Variants in UGT1A4 observed in about 807,000 individuals in gnomAD.
The protein encoded by UGT1A4 is UDP-glucuronosyltransferase 1A4.
UGT1A4 carries 32 observed loss-of-function variants against 41.1 expected under a neutral mutation model. The ratio of observed to expected loss-of-function variants is 0.78; its 90% CI spans 0.59 to 1.05. UGT1A4 has a LOEUF of 1.05. UGT1A4 is among the 50% of genes least tolerant of loss of function. The pLI is 0.00. For synonymous variants in UGT1A4, 283 were observed against 265.1 expected (o/e 1.07, Z -0.66); for missense variants, 748 against 677.4 (o/e 1.10, Z -1.16).
At chr2:233,767,568 T>C (rs1394271023) in intron 2 of UGT1A4, among the ~76,000 whole-genome samples, 2 of 152,252 alleles carry the variant, frequency 1.3e-5, no homozygotes, top group African/African-American at 4.8e-5. Flanking sequence ...CTTGTTTCAT[T>C]AAGCAAACTT....
chr2:233,725,264 G>GGCAGAGGAGGCA, intron 1 of UGT1A4, among the ~76,000 whole-genome samples: 1 of 58,548 alleles, frequency 1.7e-5, no homozygotes, highest in African/African-American at 1.3e-4. Flanking sequence ...CAGAGGCAGA[G>GGCAGAGGAGGCA]GAGGCAGAGG....
intron 1 of UGT1A4, chr2:233,756,080 A>T (rs1179999635): frequency 6.6e-6 from 1 of 152,234 alleles, no homozygotes; most frequent in African/African-American, 2.4e-5. Flanking sequence ...GACAATGAGA[A>T]AATCAAGTAA....
chr2:233,746,269 G>A (rs1473358649), intron 1 of UGT1A4, among the ~76,000 whole-genome samples: 3 of 151,774 alleles, frequency 2.0e-5, no homozygotes, highest in South Asian at 2.1e-4. Flanking sequence ...ACAAAACGCT[G>A]TGGGGATTCA....
intron 1 of UGT1A4, chr2:233,748,139 A>G: frequency 1.2e-6 from 2 of 1,608,528 alleles, no homozygotes. Context: ...TAAAAATTGT[A>G]TTTACTTACA....
At chr2:233,766,879 G>A (rs1237814699) in intron 1 of UGT1A4, among the ~76,000 whole-genome samples, 155 bp from the exon 2 acceptor site, 1 of 152,170 alleles carries the variant, frequency 6.6e-6, no homozygotes, top group Non-Finnish European at 1.5e-5. Context: ...GGAAAATGCT[G>A]TAAAACTTAC....
intron 1 of UGT1A4, among the ~76,000 whole-genome samples, chr2:233,745,990 G>A (rs1261244723): frequency 3.3e-5 from 5 of 151,696 alleles, no homozygotes; most frequent in African/African-American, 1.2e-4. Context: ...TGACAGCTGG[G>A]TCTGAGAGAC....
intron 1 of UGT1A4, chr2:233,752,671 G>C (rs764603463): frequency 6.6e-6 from 1 of 152,170 alleles, no homozygotes; most frequent in Non-Finnish European, 1.5e-5. Flanking sequence ...AGGATCACTT[G>C]AGCCCAGAAA....
intron 1 of UGT1A4, chr2:233,743,566 G>A (rs532152836): frequency 7.3e-7 from 1 of 1,367,298 alleles, no homozygotes; most frequent in African/African-American, 1.5e-5. Context: ...TCTCCAGCGG[G>A]TTTCCCAAGA....
chr2:233,747,098 T>C (rs1559391803), intron 1 of UGT1A4: 2 of 1,324,344 alleles, frequency 1.5e-6, no homozygotes, highest in Non-Finnish European at 2.1e-6. Flanking sequence ...CACTCTATCT[T>C]CCAATTACAT....
chr2:233,755,024 G>A (rs533329516), intron 1 of UGT1A4: 16 of 1,306,402 alleles, frequency 1.2e-5, no homozygotes, highest in Non-Finnish European at 1.7e-5. Flanking sequence ...GGTCCTTGAA[G>A]GGCCTGCCGC....
chr2:233,747,406 T>C (rs111706856), intron 1 of UGT1A4: 83,939 of 1,606,544 alleles, frequency 0.052, 2,713 homozygotes, highest in Non-Finnish European at 0.063. Flanking sequence ...ACCCCAGAGG[T>C]GAATATGCAC....
chr2:233,740,052 T>C (rs368597738), intron 1 of UGT1A4, among the ~76,000 whole-genome samples: 5 of 151,870 alleles, frequency 3.3e-5, no homozygotes, highest in African/African-American at 1.2e-4. Context: ...CTTTCTCCTT[T>C]ACTCACAAGC....
At chr2:233,762,422 T>TAG (rs1438123944) in intron 1 of UGT1A4, among the ~76,000 whole-genome samples, 1 of 152,242 alleles carries the variant, frequency 6.6e-6, no homozygotes, top group East Asian at 1.9e-4. Flanking sequence ...TTCTACAAAA[T>TAG]AGAGTAACAG....
In UGT1A4 at chr2:233,772,770, T is replaced by C. The variant is rs10929303; in HGVS notation, c.*211T>C. 0.78 allele frequency: 1,055,817 copies of C among 1,348,090 alleles called. 415,213 individuals are homozygous for C. Among genetic ancestry groups the C allele is most frequent in the East Asian group, 0.89 (34,131 of 38,366 alleles). The allele number at this position is 1,348,090 out of a possible 1,614,324, so 83.5% of individuals were successfully genotyped here. ...ATTTGAATATGTATCGTGCCCCCTC[T>C]GGTGTCTTTGATCAGGATGACATGT... On this transcript the variant is annotated 3_prime_UTR_variant, in exon 5 of 5. Transcript: ENST00000373409.
intron 1 of UGT1A4, among the ~76,000 whole-genome samples, chr2:233,724,483 C>CA (rs2077265873): frequency 1.5e-5 from 1 of 68,754 alleles, no homozygotes; most frequent in Non-Finnish European, 3.0e-5. Context: ...ACTTCTCAGA[C>CA]GGGGCGGCCG....
rs756759474 is a variant in UGT1A4, at chr2:233,755,078, G to A, written c.868-11956G>A. ...CCCTCGCCTCGCCATAGCGGTCATA[G>A]ATATCGCGTTTCTACGCGTCCGACA... is the stretch of plus-strand genomic sequence containing the variant. On this transcript the variant is annotated intron_variant, in intron 1 of 4. Coordinates refer to ENST00000373409, the MANE Select transcript of UGT1A4 (RefSeq NM_007120.3). 9 of 1,336,426 alleles carry A rather than the reference G, an allele frequency of 6.7e-6. No individual in the cohort carries two copies. The Admixed American group carries it at 1.1e-4, about 17-fold the overall frequency. 82.8% of individuals were successfully genotyped at this position (1,336,426 alleles called of 1,614,324 possible).
chr2:233,755,144 C>T (rs1040517387), intron 1 of UGT1A4: 11 of 1,304,848 alleles, frequency 8.4e-6, no homozygotes, highest in African/African-American at 7.5e-5. Flanking sequence ...ATCTTCTCAC[C>T]GCTTCCTCCC....
chr2:233,760,301 C>A (rs1697391714), intron 1 of UGT1A4: 1 of 1,613,532 alleles, frequency 6.2e-7, no homozygotes, highest in South Asian at 1.1e-5. Flanking sequence ...GCTGTGGAGT[C>A]CCAGGGCGGA....
At chr2:233,722,497 G>A (rs147743220) in intron 1 of UGT1A4, among the ~76,000 whole-genome samples, 12 of 152,166 alleles carry the variant, frequency 7.9e-5, no homozygotes, top group African/African-American at 2.9e-4. Flanking sequence ...TTCATTTTCC[G>A]TTTCGTTAAT....
Sources: gnomAD v4.1 joint callset for allele counts (sites outside exome capture counted in the v4.1 genomes callset) on GRCh38, gnomAD v4.1.1 for gene constraint, MANE v1.5 for transcripts, NCBI Gene and HGNC (gene_info 2026-07-23, HGNC 2026-07-21) for gene names.